Variants in DNAJC11 observed in about 807,000 individuals in gnomAD.
DNAJC11 encodes the protein DnaJ heat shock protein family (Hsp40) member C11.
Under a neutral mutation model 78.6 loss-of-function variants are expected in DNAJC11, and 15 were observed. The observed-to-expected ratio is 0.19, with a 90% confidence interval of 0.13 to 0.29. DNAJC11 has a LOEUF of 0.29. Among genes scored for constraint, DNAJC11 ranks in the 10% least tolerant of loss-of-function variants. The probability of loss-of-function intolerance (pLI) is 1.00; values close to 1 mark genes in which losing one functional copy is unlikely to be tolerated. For synonymous variants in DNAJC11, 292 were observed against 272.1 expected (o/e 1.07, Z -0.72); for missense variants, 547 against 709.6 (o/e 0.77, Z 2.60).
In DNAJC11 at chr1:6,637,480, G is replaced by A; in HGVS notation, c.1348C>T (p.Arg450Ter). Residue 450 changes from arginine (R) to a stop codon, truncating the protein, a stop_gained, in exon 13 of 16, where the codon CGA (arginine) becomes TGA (stop). Transcript: ENST00000377577. LOFTEE classifies it high-confidence loss of function. ...SAVRLMQESVRRIIEAEESRM... is the reference protein window; with the variant it reads ...SAVRLMQESV ...GACTCTTCTGCCTCAATTATCCTTC[G>A]GACAGATTCCTGCATCAGCCGGACC... 6.2e-7 allele frequency: 1 copy of A among 1,614,170 alleles called. No individual in the cohort carries two copies. Among genetic ancestry groups the A allele is most frequent in the Non-Finnish European group, 8.5e-7 (1 of 1,180,046 alleles).
At chr1:6,694,899 C>T (rs530559247) in intron 1 of DNAJC11, among the ~76,000 whole-genome samples, 6 of 148,632 alleles carry the variant, frequency 4.0e-5, no homozygotes, top group Non-Finnish European at 5.9e-5. Flanking sequence ...GGCGTGAACC[C>T]GGGAGGCGGA....
intron 4 of DNAJC11, among the ~76,000 whole-genome samples, chr1:6,664,587 A>G (rs1306745172): frequency 6.6e-6 from 1 of 152,204 alleles, no homozygotes; most frequent in Non-Finnish European, 1.5e-5. Context: ...ATTCCTGACC[A>G]AGCCAAGAAT....
chr1:6,699,634 G>GATT (rs1284821762), intron 1 of DNAJC11, among the ~76,000 whole-genome samples: 2 of 152,050 alleles, frequency 1.3e-5, no homozygotes, highest in African/African-American at 4.8e-5. Flanking sequence ...CTAAATAAGT[G>GATT]ATTAGCCCAT....
At position 6,651,511 on chromosome 1, in the gene DNAJC11, G is replaced by A; in HGVS notation, c.704+18C>T. 11 of 1,609,884 alleles carry A rather than the reference G, an allele frequency of 6.8e-6. No homozygotes were observed. The highest frequency in any genetic ancestry group is 9.4e-6 in the Non-Finnish European group (11 of 1,176,424). On this transcript the variant is annotated intron_variant, in intron 7 of 15. Coordinates refer to ENST00000377577, the MANE Select transcript of DNAJC11 (RefSeq NM_018198.4). Reference sequence around the variant, plus strand: ...CAACAAAGACCACCAAAGAGGAGCTGCTGTCTCTCATATTTACCATCTTGG... The same window carrying A: ...CAACAAAGACCACCAAAGAGGAGCTACTGTCTCTCATATTTACCATCTTGG...
At chr1:6,670,151 G>A (rs1189655925) in intron 3 of DNAJC11, among the ~76,000 whole-genome samples, 2 of 151,822 alleles carry the variant, frequency 1.3e-5, no homozygotes, top group Non-Finnish European at 2.9e-5. Context: ...GTAGAGACGG[G>A]GTTTCACCAT....
At chr1:6,644,181 T>C (rs1047857172) in intron 10 of DNAJC11, among the ~76,000 whole-genome samples, 4 of 151,796 alleles carry the variant, frequency 2.6e-5, no homozygotes, top group Non-Finnish European at 5.9e-5. Context: ...CAGGCTGGAG[T>C]GCAGTGGCAC....
intron 1 of DNAJC11, 31 bp from the exon 2 acceptor site, chr1:6,681,068 A>G: frequency 1.9e-6 from 3 of 1,586,482 alleles, no homozygotes; most frequent in Non-Finnish European, 2.6e-6. Context: ...TTAGAGAACA[A>G]TCAATGCTAC....
At chr1:6,697,484 A>G (rs1376206521) in intron 1 of DNAJC11, among the ~76,000 whole-genome samples, 1 of 152,222 alleles carries the variant, frequency 6.6e-6, no homozygotes, top group Admixed American at 6.5e-5. Context: ...GCAGTTCCCA[A>G]TAGGGTTCAT....
At chr1:6,699,538 G>A (rs1184570817) in intron 1 of DNAJC11, among the ~76,000 whole-genome samples, 1 of 152,054 alleles carries the variant, frequency 6.6e-6, no homozygotes, top group Non-Finnish European at 1.5e-5. Context: ...CAGAAAGGCT[G>A]GCTTCATTTA....
At chr1:6,647,027 C>T (rs1334460274) in intron 7 of DNAJC11, among the ~76,000 whole-genome samples, 3 of 151,148 alleles carry the variant, frequency 2.0e-5, no homozygotes, top group Non-Finnish European at 1.5e-5. Flanking sequence ...TGTAGCGGCA[C>T]GCCCTGTAGT....
At chr1:6,635,920 G>C (rs978391087) in intron 15 of DNAJC11, among the ~76,000 whole-genome samples, 197 bp downstream of exon 15, 4 of 152,196 alleles carry the variant, frequency 2.6e-5, no homozygotes, top group African/African-American at 9.7e-5. Flanking sequence ...AATTCTACCT[G>C]TGAAAGGGCC....
intron 1 of DNAJC11, among the ~76,000 whole-genome samples, chr1:6,696,758 CTATT>C (rs1212689486): frequency 2.0e-5 from 3 of 152,144 alleles, no homozygotes; most frequent in Admixed American, 1.3e-4. Context: ...AAGAAAAAAA[CTATT>C]TATTAACAAC....
chr1:6,687,837 C>G (rs277686), intron 1 of DNAJC11, among the ~76,000 whole-genome samples: 48,741 of 151,954 alleles, frequency 0.32, 8,067 homozygotes, highest in Non-Finnish European at 0.35. Context: ...ACATCAAGCA[C>G]TGTGTAGACT....
intron 3 of DNAJC11, chr1:6,670,668 T>C (rs1642366088): frequency 1.3e-5 from 2 of 152,182 alleles, no homozygotes; most frequent in South Asian, 4.2e-4. Flanking sequence ...GTTAAAATCA[T>C]CCAAGAACAA....
At chr1:6,677,300 C>G (rs1642480438) in intron 3 of DNAJC11, among the ~76,000 whole-genome samples, 1 of 151,160 alleles carries the variant, frequency 6.6e-6, no homozygotes, top group Non-Finnish European at 1.5e-5. Context: ...AAGTTTCTTT[C>G]TTTTTTTTGT....
At chr1:6,700,181 T>C (rs1247404355) in intron 1 of DNAJC11, among the ~76,000 whole-genome samples, 1 of 152,194 alleles carries the variant, frequency 6.6e-6, no homozygotes, top group Non-Finnish European at 1.5e-5. Flanking sequence ...GAAGGTACTT[T>C]GTAATATTCT....
At chr1:6,690,249 C>G (rs1238030568) in intron 1 of DNAJC11, among the ~76,000 whole-genome samples, 1 of 152,088 alleles carries the variant, frequency 6.6e-6, no homozygotes, top group Non-Finnish European at 1.5e-5. Flanking sequence ...ATATAAGTAA[C>G]CAATAAAAGC....
intron 1 of DNAJC11, among the ~76,000 whole-genome samples, chr1:6,698,204 T>G (rs1642870487): frequency 6.6e-6 from 1 of 151,620 alleles, no homozygotes; most frequent in South Asian, 2.1e-4. Context: ...GAGGACACTC[T>G]TTTGAAGGTA....
At chr1:6,688,400 T>C (rs1370335572) in intron 1 of DNAJC11, among the ~76,000 whole-genome samples, 2 of 152,126 alleles carry the variant, frequency 1.3e-5, no homozygotes, top group Non-Finnish European at 2.9e-5. Context: ...ACAAGGTGAG[T>C]ATGTCATTAG....
Sources: allele counts gnomAD v4.1 joint callset (sites outside exome capture counted in the v4.1 genomes callset), GRCh38; gene constraint gnomAD v4.1.1; transcripts MANE v1.5; gene names NCBI Gene and HGNC (gene_info 2026-07-23, HGNC 2026-07-21).